UVRAG: variants seen among roughly 807,000 people sequenced by gnomAD.
The protein encoded by UVRAG is UV radiation resistance associated.
In UVRAG, 19 loss-of-function variants were observed where a neutral mutation model predicts 78.0. The ratio of observed to expected loss-of-function variants is 0.24; its 90% CI spans 0.17 to 0.36. The LOEUF (loss-of-function observed/expected upper bound fraction) is 0.36, where lower values mean the gene tolerates loss of function less well. Among genes scored for constraint, UVRAG ranks in the 10% least tolerant of loss-of-function variants. UVRAG has a pLI of 1.00. For synonymous variants in UVRAG, 323 were observed against 324.6 expected, an observed-to-expected ratio of 1.00 and a Z score of 0.05; for missense variants, 740 against 853.8, an observed-to-expected ratio of 0.87 and a Z score of 1.66.
intron 6 of UVRAG, among the ~76,000 whole-genome samples, chr11:75,955,645 A>T (rs570786690): frequency 7.9e-5 from 12 of 152,152 alleles, no homozygotes; most frequent in Non-Finnish European, 1.8e-4. Context: ...CACTCTTGTA[A>T]TCCCAACACT....
chr11:76,008,343 A>C (rs1248569534), intron 10 of UVRAG, among the ~76,000 whole-genome samples: 1 of 152,200 alleles, frequency 6.6e-6, no homozygotes, highest in East Asian at 1.9e-4. Flanking sequence ...TTTTGAGCCT[A>C]GTTTCTTAGA....
intron 12 of UVRAG, among the ~76,000 whole-genome samples, chr11:76,033,811 A>T (rs1950479624): frequency 6.6e-6 from 1 of 152,210 alleles, no homozygotes. Context: ...ATATCCATCA[A>T]ACTGGCAAAA....
At chr11:76,064,069 TA>T (rs144973959) in intron 12 of UVRAG, among the ~76,000 whole-genome samples, 2,322 of 152,344 alleles carry the variant, frequency 0.015, 59 homozygotes, top group African/African-American at 0.053. Context: ...TTTGTATAAA[TA>T]AGTCCCACTG....
chr11:75,937,146 GAT>G (rs1267833744), intron 6 of UVRAG, among the ~76,000 whole-genome samples: 4 of 152,152 alleles, frequency 2.6e-5, no homozygotes, highest in Non-Finnish European at 5.9e-5. Context: ...AAGGTGGGCG[GAT>G]CCTGAGGTCA....
At chr11:75,946,157 A>G (rs1363382278) in intron 6 of UVRAG, among the ~76,000 whole-genome samples, 2 of 152,150 alleles carry the variant, frequency 1.3e-5, no homozygotes, top group African/African-American at 4.8e-5. Context: ...TAAATGGTAT[A>G]TTTTTAGAGA....
At chr11:75,855,672 AC>A (rs1946274112) in intron 2 of UVRAG, among the ~76,000 whole-genome samples, 1 of 152,206 alleles carries the variant, frequency 6.6e-6, no homozygotes, top group Non-Finnish European at 1.5e-5. Context: ...TTGATGAACC[AC>A]CCATACCACC....
At chr11:76,128,411 A>G (rs752124381) in intron 14 of UVRAG, among the ~76,000 whole-genome samples, 1 of 152,248 alleles carries the variant, frequency 6.6e-6, no homozygotes, top group Non-Finnish European at 1.5e-5. Context: ...GCTGCCAAAA[A>G]GGTTGGGGGC....
chr11:75,892,627 A>G (rs531971198), intron 5 of UVRAG, among the ~76,000 whole-genome samples: 1 of 152,250 alleles, frequency 6.6e-6, no homozygotes, highest in African/African-American at 2.4e-5. Context: ...TGAATATATG[A>G]TCGTAATTAG....
chr11:76,088,426 A>G lies in UVRAG; in HGVS notation c.1305+22638A>G, dbSNP rs111935103. Among the ~76,000 whole-genome samples, 257 of 152,242 alleles carry G rather than the reference A, an allele frequency of 1.7e-3. 1 individual carries two copies. The highest frequency in any genetic ancestry group is 5.9e-3 in the African/African-American group (246 of 41,526). On this transcript the variant is annotated intron_variant, in intron 13 of 14. Coordinates refer to ENST00000356136, the MANE Select transcript of UVRAG (RefSeq NM_003369.4). ...GCTTAAAACCTTGTCATCGTTTTCC[A>G]TAGGCTACCTTCCCCCAAATCCCAT...
rs538988119 is a variant in UVRAG at position 75,978,485 on chromosome 11, C to T, written c.700-4902C>T. On this transcript the variant is annotated intron_variant, in intron 7 of 14. Transcript: ENST00000356136. The stretch of plus-strand genomic sequence containing the variant: ...TGTTTTCCAACTTGGTTCCATCCTC[C>T]CCATCACTTTCAGGTACACCAATCA... Among the ~76,000 whole-genome samples the T allele has an allele frequency of 2.2e-3, 338 of 152,212 alleles. 2 individuals carry two copies. Among genetic ancestry groups the T allele is most frequent in the Admixed American group, 4.1e-3 (62 of 15,300 alleles).
At chr11:75,982,130 A>C (rs1351998559) in intron 7 of UVRAG, among the ~76,000 whole-genome samples, 1 of 152,100 alleles carries the variant, frequency 6.6e-6, no homozygotes, top group Non-Finnish European at 1.5e-5. Context: ...CATTTTGGGC[A>C]TTAAGTTTTA....
At chr11:75,925,585 AG>A (rs769842703) in intron 6 of UVRAG, among the ~76,000 whole-genome samples, 4 of 152,316 alleles carry the variant, frequency 2.6e-5, no homozygotes, top group Non-Finnish European at 5.9e-5. Context: ...CAGCAAACAA[AG>A]GGTCTTTCAT....
chr11:76,070,089 G>GCA (rs141751176), intron 13 of UVRAG, among the ~76,000 whole-genome samples: 1 of 151,826 alleles, frequency 6.6e-6, no homozygotes, highest in Non-Finnish European at 1.5e-5. Flanking sequence ...CAAACACAAC[G>GCA]CACACACACA....
intron 12 of UVRAG, among the ~76,000 whole-genome samples, chr11:76,033,506 C>G (rs1445420795): frequency 2.0e-5 from 3 of 151,728 alleles, no homozygotes; most frequent in Middle Eastern, 3.4e-3. Flanking sequence ...AACTAAATCA[C>G]AGAAACAAGA....
At chr11:75,847,059 A>G (rs1946049858) in intron 1 of UVRAG, among the ~76,000 whole-genome samples, 1 of 151,934 alleles carries the variant, frequency 6.6e-6, no homozygotes, top group African/African-American at 2.4e-5. Flanking sequence ...TCCTGACCTC[A>G]GGTGATCCAC....
intron 13 of UVRAG, among the ~76,000 whole-genome samples, chr11:76,093,923 C>A (rs1951746306): frequency 6.6e-6 from 1 of 152,196 alleles, no homozygotes; most frequent in African/African-American, 2.4e-5. Context: ...GAGAGGGCAT[C>A]CCTGTCTTGT....
chr11:75,875,042 G>A (rs925573875), intron 3 of UVRAG, among the ~76,000 whole-genome samples: 1 of 152,122 alleles, frequency 6.6e-6, no homozygotes, highest in Non-Finnish European at 1.5e-5. Flanking sequence ...CCAGTGATTC[G>A]TGACTTTATG....
intron 14 of UVRAG, among the ~76,000 whole-genome samples, chr11:76,134,005 G>A (rs1490987680): frequency 6.1e-5 from 9 of 147,064 alleles, no homozygotes; most frequent in Non-Finnish European, 1.2e-4. Flanking sequence ...CCAGGCTGGA[G>A]TGCAGTACTG....
At chr11:76,074,851 C>T (rs1479569591) in intron 13 of UVRAG, among the ~76,000 whole-genome samples, 1 of 152,120 alleles carries the variant, frequency 6.6e-6, no homozygotes, top group Non-Finnish European at 1.5e-5. Context: ...AAATTAGAAC[C>T]TGGGGATTTC....
Sources: allele counts gnomAD v4.1 joint callset (sites outside exome capture counted in the v4.1 genomes callset), GRCh38; gene constraint gnomAD v4.1.1; transcripts MANE v1.5; gene names NCBI Gene and HGNC (gene_info 2026-07-23, HGNC 2026-07-21).